Variants in SNX21 observed in about 807,000 individuals in gnomAD.
The protein encoded by SNX21 is sorting nexin family member 21.
A neutral mutation model predicts 30.9 loss-of-function variants in SNX21; 36 were observed. The ratio of observed to expected loss-of-function variants is 1.16; its 90% CI spans 0.89 to 1.54. The LOEUF (loss-of-function observed/expected upper bound fraction) is 1.54, where lower values mean the gene tolerates loss of function less well. SNX21 is among the 40% of genes most tolerant of loss of function. The probability of loss-of-function intolerance (pLI) is 0.00; values close to 1 mark genes in which losing one functional copy is unlikely to be tolerated. For synonymous variants in SNX21, 218 were observed against 222.7 expected (o/e 0.98, Z 0.19); for missense variants, 508 against 516.5 (o/e 0.98, Z 0.16).
At position 45,834,289 on chromosome 20, in the gene SNX21, A is replaced by G; in HGVS notation, c.110A>G (p.Glu37Gly). The G allele has an allele frequency of 1.3e-6, 2 of 1,592,980 alleles. No individual in the cohort carries two copies. Among genetic ancestry groups the G allele is most frequent in the Non-Finnish European group, 1.7e-6 (2 of 1,175,890 alleles). Residue 37 changes from glutamate to glycine, a missense_variant, in exon 2 of 4, where the codon GAG (glutamate) becomes GGG (glycine). Coordinates refer to ENST00000491381, the MANE Select transcript of SNX21 (RefSeq NM_033421.4). ...GAGGCGGCGGCCAGTCCAGAGGCCG[A>G]GCAGTTTCCGGAGAGCTCAGAGCTG... is the stretch of plus-strand genomic sequence containing the variant. ...PGEAAASPEA[E>G]QFPESSELED...
chr20:45,843,111 G>C lies in SNX21; in HGVS notation c.*1798G>C. 1 of 1,061,906 alleles carries C rather than the reference G, an allele frequency of 9.4e-7. No individual in the cohort carries two copies. The highest frequency in any genetic ancestry group is 1.7e-5 in the South Asian group (1 of 59,472). The allele number at this position is 1,061,906 out of a possible 1,614,324, so 65.8% of individuals were successfully genotyped here. On this transcript the variant is annotated 3_prime_UTR_variant, in exon 4 of 4. Transcript: ENST00000491381. Reference sequence around the variant, plus strand: ...AGACCTACTGAGTGAGAATCTTGAGGGTGGAATCAGAATCTATTTTGAAAA... The same window carrying C: ...AGACCTACTGAGTGAGAATCTTGAGCGTGGAATCAGAATCTATTTTGAAAA...
chr20:45,834,331 A>G lies in SNX21; in HGVS notation c.152A>G (p.Glu51Gly). The G allele has an allele frequency of 6.3e-7, 1 of 1,599,200 alleles. No individual in the cohort carries two copies. The highest frequency in any genetic ancestry group is 8.5e-7 in the Non-Finnish European group (1 of 1,177,442). ...TCAGAGCTGGAGGACGACGACGCCG[A>G]GGGCCTGTCCTCCCGACTCAGCGGC... ...ESSELEDDDA[E>G]GLSSRLSGTL... The change falls in exon 2 of 4, where the codon GAG becomes GGG. Residue 51 changes from glutamate (E) to glycine (G), a missense_variant. Transcript: ENST00000491381.
At chr20:45,834,856 G>A (rs972524635) in intron 2 of SNX21, 103 bp from the exon 3 acceptor site, 7 of 1,423,012 alleles carry the variant, frequency 4.9e-6, no homozygotes, top group Non-Finnish European at 6.7e-6. Flanking sequence ...TGTAAAAAGG[G>A]GGTAAGTCCT....
At position 45,834,240 on chromosome 20, in the gene SNX21, G is replaced by C. The variant is rs759255113; in HGVS notation, c.61G>C (p.Ala21Pro). 6.4e-7 allele frequency: 1 copy of C among 1,568,380 alleles called. No individual in the cohort carries two copies. Among genetic ancestry groups the C allele is most frequent in the Non-Finnish European group, 8.6e-7 (1 of 1,164,788 alleles). Residue 21 changes from alanine to proline, a missense_variant, in exon 2 of 4, where the codon GCC becomes CCC. Ala to Pro is a conservative substitution (Grantham distance 27). Coordinates refer to ENST00000491381, the MANE Select transcript of SNX21 (RefSeq NM_033421.4). ...ASRLLHRLRH[A>P]LAGDGPGEAA... ...CCGGCTCCTGCACCGGCTGCGGCAC[G>C]CCTTGGCCGGCGACGGCCCCGGGGA... is the stretch of plus-strand genomic sequence containing the variant.
rs1384432183 is a variant in SNX21, at chr20:45,842,662, G to A, written c.*1349G>A. On this transcript the variant is annotated 3_prime_UTR_variant, in exon 4 of 4. Transcript: ENST00000491381. ...CCTTACACATAGCAGAGCTCACTCA[G>A]TTCTCACAGTAGCCAAATGAAGCAG... The A allele has an allele frequency of 3.0e-6, 3 of 989,880 alleles. No individual in the cohort carries two copies. Among genetic ancestry groups the A allele is most frequent in the South Asian group, 9.2e-5 (2 of 21,724 alleles). The allele number at this position is 989,880 out of a possible 1,614,324, so 61.3% of individuals were successfully genotyped here.
chr20:45,840,119 G>C (rs79497427), intron 3 of SNX21: 11 of 984,996 alleles, frequency 1.1e-5, no homozygotes, highest in Non-Finnish European at 1.3e-5. Flanking sequence ...GCTGACCTGG[G>C]GTTAGAACTT....
At chr20:45,834,085 T>G (rs948593496) in intron 1 of SNX21, 116 bp from the exon 2 acceptor site, 10 of 1,386,944 alleles carry the variant, frequency 7.2e-6, no homozygotes, top group Non-Finnish European at 6.6e-6. Context: ...TGCCAGGGGG[T>G]GGGGCCTCAC....
At position 45,841,775 on chromosome 20, in the gene SNX21, C is replaced by G; in HGVS notation, c.*462C>G. Reference sequence around the variant, plus strand: ...TGAGGGCCAAAAGGGACTGTAACTCCTGTCTCAGGAATGGGGATAGATGGG... The same window carrying G: ...TGAGGGCCAAAAGGGACTGTAACTCGTGTCTCAGGAATGGGGATAGATGGG... On this transcript the variant is annotated 3_prime_UTR_variant, in exon 4 of 4. Transcript: ENST00000491381. 6.6e-7 allele frequency: 1 copy of G among 1,506,506 alleles called. No homozygotes were observed. Among genetic ancestry groups the G allele is most frequent in the Non-Finnish European group, 8.8e-7 (1 of 1,135,558 alleles). The allele number at this position is 1,506,506 out of a possible 1,614,324, so 93.3% of individuals were successfully genotyped here. A position where few individuals can be genotyped will look rare whatever the true frequency, so the allele number is the denominator to read the frequency against.
Position 45,842,202 on chromosome 20 carries a change from C to T in SNX21, c.*889C>T, listed in dbSNP as rs1275343381. 3.4e-6 allele frequency: 5 copies of T among 1,467,096 alleles called. No individual in the cohort carries two copies. Among genetic ancestry groups the T allele is most frequent in the Non-Finnish European group, 3.6e-6 (4 of 1,117,264 alleles). The allele number at this position is 1,467,096 out of a possible 1,614,324, so 90.9% of individuals were successfully genotyped here. A position where few individuals can be genotyped will look rare whatever the true frequency, so the allele number is the denominator to read the frequency against. On this transcript the variant is annotated 3_prime_UTR_variant, in exon 4 of 4. Transcript: ENST00000491381. ...CAGGGCTGCCCCACACAAGGGTGCA[C>T]TGAGTGTCGTGGCTGCTCCAAATGC...
intron 3 of SNX21, among the ~76,000 whole-genome samples, chr20:45,835,668 G>C (rs911313394): frequency 6.6e-6 from 1 of 152,182 alleles, no homozygotes; most frequent in Non-Finnish European, 1.5e-5. Flanking sequence ...CAGTGTGCCT[G>C]GCATTATGAC....
chr20:45,839,791 C>T (rs1983881406), intron 3 of SNX21, among the ~76,000 whole-genome samples: 1 of 151,672 alleles, frequency 6.6e-6, no homozygotes, highest in African/African-American at 2.4e-5. Flanking sequence ...TGCCTATAGT[C>T]CTAGCTACTT....
chr20:45,840,562 T>G, intron 3 of SNX21, 77 bp from the exon 4 acceptor site: 1 of 1,610,204 alleles, frequency 6.2e-7, no homozygotes. Flanking sequence ...GCTGGGAGTG[T>G]GGGGGATGGG....
rs774459378 is a variant in SNX21 at position 45,840,702 on chromosome 20, C to T, written c.511C>T (p.Arg171Cys). The T allele has an allele frequency of 5.6e-6, 9 of 1,614,062 alleles. No individual in the cohort carries two copies. The Admixed American group carries it at 6.7e-5, about 12-fold the overall frequency. The change falls in exon 4 of 4, where the codon CGT (arginine) becomes TGT (cysteine). Residue 171 changes from arginine (R) to cysteine (C), a missense_variant. Coordinates refer to ENST00000491381, the MANE Select transcript of SNX21 (RefSeq NM_033421.4). Reference sequence around the variant, plus strand: ...TTGCCAGCCAGCCCAGATCTCTCGCCGTTACTCGGACTTTGAGCGGCTGCA... The same window carrying T: ...TTGCCAGCCAGCCCAGATCTCTCGCTGTTACTCGGACTTTGAGCGGCTGCA... Reference protein sequence around the residue: ...PDCQPAQISRRYSDFERLHRN... With the variant: ...PDCQPAQISRCYSDFERLHRN...
At position 45,841,205 on chromosome 20, in the gene SNX21, G is replaced by C; in HGVS notation, c.1014G>C (p.Leu338=). ...AHVRLSWRLG[L]DKRQSEARLQ... The stretch of plus-strand genomic sequence containing the variant: ...TCCGGCTCTCCTGGCGCCTGGGCCT[G>C]GACAAACGTCAATCAGAGGCTCGGC... The change falls in exon 4 of 4, where the codon CTG becomes CTC. Residue 338 remains leucine (L), a synonymous_variant. Transcript: ENST00000491381. The C allele has an allele frequency of 6.2e-7, 1 of 1,613,984 alleles. No homozygotes were observed. Among genetic ancestry groups the C allele is most frequent in the Non-Finnish European group, 8.5e-7 (1 of 1,180,002 alleles).
chr20:45,841,335 A>G lies in SNX21; in HGVS notation c.*22A>G. ...CTAACCCTTGCCTAGATTTAAGGCC[A>G]CTGTGAGGAGAGGGGTTGCCCCAGA... On this transcript the variant is annotated 3_prime_UTR_variant, in exon 4 of 4. Transcript: ENST00000491381. 2 of 1,525,060 alleles carry G rather than the reference A, an allele frequency of 1.3e-6. No individual in the cohort carries two copies. The highest frequency in any genetic ancestry group is 1.8e-6 in the Non-Finnish European group (2 of 1,138,188). The allele number at this position is 1,525,060 out of a possible 1,614,324, so 94.5% of individuals were successfully genotyped here. A position where few individuals can be genotyped will look rare whatever the true frequency, so the allele number is the denominator to read the frequency against.
rs1190155750 is a variant in SNX21 at position 45,841,117 on chromosome 20, C to T, written c.926C>T (p.Ala309Val). The T allele has an allele frequency of 1.2e-6, 2 of 1,610,306 alleles. No individual in the cohort carries two copies. Among genetic ancestry groups the T allele is most frequent in the African/African-American group, 2.7e-5 (2 of 74,850 alleles). Residue 309 changes from alanine (A) to valine (V), a missense_variant, in exon 4 of 4, where the codon GCC (alanine) becomes GTC (valine). Ala to Val is a moderately conservative substitution (Grantham distance 64). Transcript: ENST00000491381. Reference sequence around the variant, plus strand: ...GAGGCCCGGGCATGCTGTGAGAAGGCCCTGCAGCTGCTTGGGGACAAGAGC... The same window carrying T: ...GAGGCCCGGGCATGCTGTGAGAAGGTCCTGCAGCTGCTTGGGGACAAGAGC... ...PGEARACCEK[A>V]LQLLGDKSLH...
At chr20:45,840,365 A>C in intron 3 of SNX21, 1 of 1,603,404 alleles carries the variant, frequency 6.2e-7, no homozygotes, top group Non-Finnish European at 8.5e-7. Flanking sequence ...AAGGGAGTAC[A>C]AAAAAAGGGG....
Position 45,842,449 on chromosome 20 carries a change from C to T in SNX21, c.*1136C>T, listed in dbSNP as rs1984283116. 9.4e-7 allele frequency: 1 copy of T among 1,067,614 alleles called. No homozygotes were observed. The highest frequency in any genetic ancestry group is 1.7e-5 in the African/African-American group (1 of 59,836). 66.1% of individuals were successfully genotyped at this position (1,067,614 alleles called of 1,614,324 possible). A position where few individuals can be genotyped will look rare whatever the true frequency, so the allele number is the denominator to read the frequency against. ...ACTATCGGCTCCCTGTATAATAAAT[C>T]AAGCCAGGTCCTCCAAGTGGTAATT... On this transcript the variant is annotated 3_prime_UTR_variant, in exon 4 of 4. Transcript: ENST00000491381.
rs1418299027 is a variant in SNX21 at position 45,842,191 on chromosome 20, A to G, written c.*878A>G. ...CTGGCCCAGGGCAGGGCTGCCCCAC[A>G]CAAGGGTGCACTGAGTGTCGTGGCT... On this transcript the variant is annotated 3_prime_UTR_variant, in exon 4 of 4. Coordinates refer to ENST00000491381, the MANE Select transcript of SNX21 (RefSeq NM_033421.4). 9 of 1,479,084 alleles carry G rather than the reference A, an allele frequency of 6.1e-6. No homozygotes were observed. The East Asian group carries it at 2.2e-4, about 36-fold the overall frequency. The allele number at this position is 1,479,084 out of a possible 1,614,324, so 91.6% of individuals were successfully genotyped here. A position where few individuals can be genotyped will look rare whatever the true frequency, so the allele number is the denominator to read the frequency against.
Sources: gnomAD v4.1 joint callset for allele counts (sites outside exome capture counted in the v4.1 genomes callset) on GRCh38, gnomAD v4.1.1 for gene constraint, MANE v1.5 for transcripts, NCBI Gene and HGNC (gene_info 2026-07-23, HGNC 2026-07-21) for gene names.